TFAP2A: variants seen among roughly 807,000 people sequenced by gnomAD.
TFAP2A encodes transcription factor AP-2-alpha.
In TFAP2A, 7 loss-of-function variants were observed where a neutral mutation model predicts 41.5. The observed-to-expected ratio is 0.17, with a 90% CI of 0.10 to 0.32. The LOEUF is 0.32. TFAP2A is among the 10% of genes least tolerant of loss of function. The pLI, the probability that TFAP2A is intolerant of heterozygous loss-of-function variation, is 1.00. For synonymous variants in TFAP2A, 247 were observed against 242.8 expected (o/e 1.02, Z -0.16); for missense variants, 416 against 563.3 (o/e 0.74, Z 2.65).
upstream of TFAP2A, chr6:10,419,389 C>G: frequency 6.2e-7 from 1 of 1,611,512 alleles, no homozygotes; most frequent in Non-Finnish European, 8.5e-7. Context: ...CTGCCCACCT[C>G]AACCCCAGCC....
At position 10,410,250 on chromosome 6, in the gene TFAP2A, G is replaced by T; in HGVS notation, c.137C>A (p.Pro46Gln). ...GTCGGCATTGGGGGTGTGGGACAGC[G>T]GCGGGGCGCTCGTGTAGGGAGATTG... Reference protein sequence around the residue: ...VGQSPYTSAPPLSHTPNADFQ... With the variant: ...VGQSPYTSAPQLSHTPNADFQ... Residue 46 changes from proline to glutamine, a missense_variant, in exon 2 of 7, where the codon CCG becomes CAG. This residue lies in a region of TFAP2A where 241 missense variants were observed against 274.1 expected (regional missense o/e 0.88). Coordinates refer to ENST00000379613, the MANE Select transcript of TFAP2A (RefSeq NM_001372066.1). 1 of 1,612,714 alleles carries T rather than the reference G, an allele frequency of 6.2e-7. No homozygotes were observed. Among genetic ancestry groups the T allele is most frequent in the East Asian group, 2.2e-5 (1 of 44,806 alleles).
At chr6:10,419,511 G>A (rs1758357343), upstream of TFAP2A, 1 of 1,606,638 alleles carries the variant, frequency 6.2e-7, no homozygotes, top group African/African-American at 1.3e-5. Context: ...GCTCGGTCGG[G>A]CCAGCTCCCT....
rs1374748487 is a variant in TFAP2A, at chr6:10,411,049, C to T, written c.52-714G>A. On this transcript the variant is annotated intron_variant, in intron 1 of 6. Coordinates refer to ENST00000379613, the MANE Select transcript of TFAP2A (RefSeq NM_001372066.1). ...AGAGGTGCACCCCGGGGCTGTGGCC[C>T]CCCCCCCCCGCCCCTTCCACCCCAG... 1.8e-4 allele frequency: 25 copies of T among 137,474 alleles called. 1 individual carries two copies. In the South Asian group the frequency reaches 3.2e-3, roughly 17 times the overall value. The allele number at this position is 137,474 out of a possible 1,614,324, so 8.5% of individuals were successfully genotyped here.
intron 3 of TFAP2A, chr6:10,405,094 CCAGGA>C: frequency 3.1e-6 from 1 of 320,222 alleles, no homozygotes. Flanking sequence ...CAGATGAGGT[CCAGGA>C]CCACGGGTTC....
In TFAP2A at chr6:10,397,244, GA is replaced by G. The variant is rs1420215580; in HGVS notation, c.*1172del. The G allele has an allele frequency of 1.3e-5, 2 of 151,380 alleles. No homozygotes were observed. Among genetic ancestry groups the G allele is most frequent in the African/African-American group, 4.9e-5 (2 of 41,158 alleles). The allele number at this position is 151,380 out of a possible 1,614,324, so 9.4% of individuals were successfully genotyped here. A position where few individuals can be genotyped will look rare whatever the true frequency, so the allele number is the denominator to read the frequency against. On this transcript the variant is annotated 3_prime_UTR_variant, in exon 7 of 7. Coordinates refer to ENST00000379613, the MANE Select transcript of TFAP2A (RefSeq NM_001372066.1). ...AGAGAGAGGAGAGAGAGAGAGAGAG[GA>G]AAATTCCCTAACCCTTGGTTTAAAG...
upstream of TFAP2A, chr6:10,416,996 T>C (rs1758268545): frequency 6.6e-6 from 1 of 152,374 alleles, no homozygotes; most frequent in African/African-American, 2.4e-5. Flanking sequence ...ATGGTCGACT[T>C]TCCAGGGCTA....
intron 1 of TFAP2A, chr6:10,411,553 G>A (rs748296212): frequency 6.8e-6 from 11 of 1,613,768 alleles, no homozygotes; most frequent in African/African-American, 1.3e-5. Context: ...AGCAACGGGG[G>A]TGGGGATGGG....
chr6:10,419,285 C>A (rs1581280549), upstream of TFAP2A: 2 of 1,048,566 alleles, frequency 1.9e-6, no homozygotes, highest in East Asian at 5.1e-5. Flanking sequence ...CTCTCCTGGG[C>A]GCTGCCAGGC....
chr6:10,406,691 T>C, intron 3 of TFAP2A, 102 bp downstream of exon 3: 1 of 1,035,868 alleles, frequency 9.7e-7, no homozygotes, highest in East Asian at 2.4e-5. Flanking sequence ...TCTGAGCCTT[T>C]AGGAAATCCT....
Position 10,415,020 on chromosome 6 carries a change from C to G in TFAP2A, c.-29G>C, listed in dbSNP as rs1002438126. 1 of 1,614,120 alleles carries G rather than the reference C, an allele frequency of 6.2e-7. No individual in the cohort carries two copies. Among genetic ancestry groups the G allele is most frequent in the Non-Finnish European group, 8.5e-7 (1 of 1,180,028 alleles). On this transcript the variant is annotated 5_prime_UTR_variant, in exon 1 of 7. Transcript: ENST00000379613. ...TCGGCGTGAACGGATATGCCCCTCT[C>G]GGTCTCGCACCCAAGTGGAGCTACT...
chr6:10,414,518 C>T, intron 1 of TFAP2A: 1 of 320,990 alleles, frequency 3.1e-6, no homozygotes, highest in Non-Finnish European at 6.0e-6. Context: ...TATTAAAGAT[C>T]GGAGAGGAAG....
At chr6:10,402,738 T>C in intron 4 of TFAP2A, 128 bp from the exon 5 acceptor site, 2 of 754,174 alleles carry the variant, frequency 2.7e-6, no homozygotes, top group Admixed American at 3.9e-5. Context: ...CCAAGACATT[T>C]AAAGGAGGGA....
chr6:10,403,617 CATT>C (rs1757523893), intron 4 of TFAP2A, among the ~76,000 whole-genome samples: 1 of 152,014 alleles, frequency 6.6e-6, no homozygotes, highest in African/African-American at 2.4e-5. Context: ...AGAGAAGAAA[CATT>C]ATCCGGGTAA....
upstream of TFAP2A, chr6:10,419,461 C>A (rs1037839885): frequency 6.8e-6 from 11 of 1,614,032 alleles, no homozygotes; most frequent in Non-Finnish European, 9.3e-6. Context: ...CGCGGCTCTG[C>A]GCTCCTGGCG....
intron 3 of TFAP2A, chr6:10,406,449 ACTT>A (rs2114020538): frequency 2.8e-6 from 1 of 353,788 alleles, no homozygotes; most frequent in East Asian, 6.3e-5. Flanking sequence ...AGCATTATAC[ACTT>A]CTTAACCTTC....
chr6:10,404,781 T>A (rs1298662885), intron 3 of TFAP2A, 42 bp from the exon 4 acceptor site: 1 of 1,580,066 alleles, frequency 6.3e-7, no homozygotes, highest in Non-Finnish European at 8.7e-7. Context: ...GCGTCGTGGA[T>A]CACCCCCAAA....
chr6:10,419,588 G>A, upstream of TFAP2A: 2 of 1,150,588 alleles, frequency 1.7e-6, no homozygotes, highest in South Asian at 1.3e-5. Flanking sequence ...ATAAAGAGCT[G>A]GGTTGCTACC....
chr6:10,415,756 C>A (rs1029628328), upstream of TFAP2A: 1 of 152,420 alleles, frequency 6.6e-6, no homozygotes, highest in African/African-American at 2.4e-5. Flanking sequence ...TTTTTCCCAA[C>A]AAGGGATCGC....
At chr6:10,401,247 C>G (rs1363173310) in intron 5 of TFAP2A, among the ~76,000 whole-genome samples, 3 of 152,246 alleles carry the variant, frequency 2.0e-5, no homozygotes, top group Non-Finnish European at 4.4e-5. Flanking sequence ...AATAACAGTT[C>G]TCCAGAAACT....
Sources: allele counts gnomAD v4.1 joint callset (sites outside exome capture counted in the v4.1 genomes callset), GRCh38; gene constraint gnomAD v4.1.1; regional missense constraint gnomAD v4.1.1; transcripts MANE v1.5; gene names NCBI Gene and HGNC (gene_info 2026-07-23, HGNC 2026-07-21).